Variants in NAA25 observed in about 807,000 individuals in gnomAD.
NAA25 encodes the protein N-alpha-acetyltransferase 25, NatB auxiliary subunit, also known as N-terminal acetyltransferase B complex subunit NAA25.
NAA25 carries 30 observed loss-of-function variants against 132.5 expected under a neutral mutation model. The observed-to-expected ratio is 0.23, with a 90% confidence interval of 0.17 to 0.31. The LOEUF (loss-of-function observed/expected upper bound fraction) is 0.31. Among genes scored for constraint, NAA25 ranks in the 10% least tolerant of loss-of-function variants. The pLI is 1.00. For missense variants in NAA25, 771 were observed against 1,150.4 expected (o/e 0.67, Z 4.77); for synonymous variants, 359 against 401.9 (o/e 0.89, Z 1.28).
chr12:112,043,927 A>AT, intron 17 of NAA25, 59 bp from the exon 18 acceptor site: 10 of 1,511,568 alleles, frequency 6.6e-6, no homozygotes, highest in East Asian at 2.3e-5. Context: ...CATTGCTTTC[A>AT]ATTTTTTTTT....
At chr12:112,034,909 AT>A (rs1304806851) in intron 22 of NAA25, 2 of 152,068 alleles carry the variant, frequency 1.3e-5, no homozygotes, top group Admixed American at 1.3e-4. Flanking sequence ...ATATTCAAAA[AT>A]TAGAACCAAC....
chr12:112,107,390 T>TTTTG (rs1555242018), intron 1 of NAA25, among the ~76,000 whole-genome samples: 2 of 151,978 alleles, frequency 1.3e-5, no homozygotes, highest in African/African-American at 4.8e-5. Flanking sequence ...TGTTTTTTTT[T>TTTTG]TTGTTGTTGT....
chr12:112,035,283 A>G (rs1324841071), intron 22 of NAA25: 3 of 152,222 alleles, frequency 2.0e-5, no homozygotes, highest in South Asian at 2.1e-4. Flanking sequence ...AGCTTTCATT[A>G]GAAGGAGAGC....
At chr12:112,106,793 T>C (rs537841587) in intron 1 of NAA25, among the ~76,000 whole-genome samples, 1 of 150,792 alleles carries the variant, frequency 6.6e-6, no homozygotes, top group African/African-American at 2.4e-5. Context: ...TTCTCTACAA[T>C]ATATACAAAA....
Position 112,093,141 on chromosome 12 carries a change from G to GA in NAA25, c.59-6dup, listed in dbSNP as rs748492483. ...TATTACCATTGTCAAGATAATCTAT[G>GA]AAAAAACAAATTATGTGACAGTTAT... On this transcript the variant is annotated splice_region_variant and splice_polypyrimidine_tract_variant and intron_variant, in intron 1 of 23. Coordinates refer to ENST00000261745, the MANE Select transcript of NAA25 (RefSeq NM_024953.4). 3.3e-6 allele frequency: 5 copies of GA among 1,536,928 alleles called. No homozygotes were observed. The highest frequency in any genetic ancestry group is 1.1e-5 in the South Asian group (1 of 87,874).
In NAA25 at chr12:112,080,952, C is replaced by A. The variant is rs944906856; in HGVS notation, c.477+108G>T. On this transcript the variant is annotated intron_variant, in intron 5 of 23. Coordinates refer to ENST00000261745, the MANE Select transcript of NAA25 (RefSeq NM_024953.4). ...CACTGCACTCCTGCCTGGGTGACAG[C>A]GTGACCCTGTCTCAAACAAAAAAAA... 3.3e-6 allele frequency: 3 copies of A among 907,982 alleles called. No homozygotes were observed. The South Asian group carries it at 4.1e-5, about 12-fold the overall frequency. The allele number at this position is 907,982 out of a possible 1,614,324, so 56.2% of individuals were successfully genotyped here.
At chr12:112,087,904 G>T in intron 3 of NAA25, 103 bp from the exon 4 acceptor site, 1 of 732,122 alleles carries the variant, frequency 1.4e-6, no homozygotes, top group Non-Finnish European at 2.3e-6. Flanking sequence ...TATCATTATA[G>T]AAGAAGTATC....
At chr12:112,097,990 G>A (rs560739197) in intron 1 of NAA25, among the ~76,000 whole-genome samples, 4 of 151,834 alleles carry the variant, frequency 2.6e-5, no homozygotes, top group Non-Finnish European at 4.4e-5. Flanking sequence ...GCTTGGTGGC[G>A]CACGCCTGTA....
intron 23 of NAA25, among the ~76,000 whole-genome samples, chr12:112,032,533 G>A (rs539135480): frequency 6.6e-6 from 1 of 152,100 alleles, no homozygotes; most frequent in Non-Finnish European, 1.5e-5. Context: ...CTCCCGGAGG[G>A]AAGCATTTTC....
chr12:112,108,755 C>A lies in NAA25; in HGVS notation c.19G>T (p.Val7Leu). The A allele has an allele frequency of 6.5e-7, 1 of 1,528,030 alleles. No individual in the cohort carries two copies. Among genetic ancestry groups the A allele is most frequent in the Non-Finnish European group, 8.8e-7 (1 of 1,134,744 alleles). 94.7% of individuals were successfully genotyped at this position (1,528,030 alleles called of 1,614,324 possible). A position where few individuals can be genotyped will look rare whatever the true frequency, so the allele number is the denominator to read the frequency against. MATRGHVQDPNDRRLRP... is the reference protein window; with the variant it reads MATRGHLQDPNDRRLRP... ...AGGCGCCTGTCGTTAGGGTCCTGCACATGGCCCCGCGTCGCCATGATGACA... is the reference window on the plus strand; with the variant it reads ...AGGCGCCTGTCGTTAGGGTCCTGCAAATGGCCCCGCGTCGCCATGATGACA... The change falls in exon 1 of 24, where the codon GTG (valine) becomes TTG (leucine). Residue 7 changes from valine (V) to leucine (L), a missense_variant. Transcript: ENST00000261745.
intron 11 of NAA25, 21 bp from the exon 12 acceptor site, chr12:112,061,409 G>A: frequency 6.3e-7 from 1 of 1,590,318 alleles, no homozygotes; most frequent in Non-Finnish European, 8.6e-7. Flanking sequence ...GGGAAAAAAG[G>A]AGCAAAGGTC....
intron 15 of NAA25, among the ~76,000 whole-genome samples, chr12:112,050,112 T>C (rs193287658): frequency 6.2e-4 from 94 of 150,508 alleles, no homozygotes; most frequent in East Asian, 1.9e-4. Flanking sequence ...AAAGAGAGTA[T>C]AGTCTTTAAC....
At chr12:112,097,955 C>CA (rs2079238535) in intron 1 of NAA25, among the ~76,000 whole-genome samples, 1 of 151,078 alleles carries the variant, frequency 6.6e-6, no homozygotes, top group South Asian at 2.1e-4. Context: ...CCGTCTCTAC[C>CA]AAAAAAAGTA....
In NAA25 at chr12:112,108,748, T is replaced by C. The variant is rs778181292; in HGVS notation, c.26A>G (p.Asp9Gly). Residue 9 changes from aspartate (D) to glycine (G), a missense_variant, in exon 1 of 24, where the codon GAC becomes GGC. Asp to Gly is a moderately conservative substitution (Grantham distance 94, BLOSUM62 -1). This residue lies in a region of NAA25 where 30 missense variants were observed against 16.6 expected (regional missense o/e 1.81). Transcript: ENST00000261745. ...GGGCCGGAGGCGCCTGTCGTTAGGG[T>C]CCTGCACATGGCCCCGCGTCGCCAT... The part of the protein sequence containing the change: MATRGHVQ[D>G]PNDRRLRPIY... 3.9e-6 allele frequency: 6 copies of C among 1,528,144 alleles called. No individual in the cohort carries two copies. The Admixed American group carries it at 1.0e-4, about 26-fold the overall frequency. The allele number at this position is 1,528,144 out of a possible 1,614,324, so 94.7% of individuals were successfully genotyped here. A position where few individuals can be genotyped will look rare whatever the true frequency, so the allele number is the denominator to read the frequency against.
In NAA25 at chr12:112,029,603, A is replaced by G. The variant is rs760154445; in HGVS notation, c.2847T>C (p.Tyr949=). The stretch of plus-strand genomic sequence containing the variant: ...CCCCCATTTCCAGAAGTGAGTGCAG[A>G]TAACTGCTCTGCACCTTCCCTTGCA... ...KTVQGKVQSS[Y]LHSLLEMGEL... The change falls in exon 24 of 24, where the codon TAT becomes TAC. Residue 949 remains tyrosine, a synonymous_variant. Coordinates refer to ENST00000261745, the MANE Select transcript of NAA25 (RefSeq NM_024953.4). 2 of 1,613,840 alleles carry G rather than the reference A, an allele frequency of 1.2e-6. No individual in the cohort carries two copies. Among genetic ancestry groups the G allele is most frequent in the African/African-American group, 1.3e-5 (1 of 74,882 alleles).
chr12:112,075,385 C>T (rs1208132030), intron 8 of NAA25, among the ~76,000 whole-genome samples: 4 of 152,244 alleles, frequency 2.6e-5, no homozygotes, highest in Non-Finnish European at 5.9e-5. Flanking sequence ...GACAGGGTTT[C>T]GCCATGTTGG....
At chr12:112,053,712 C>A in intron 14 of NAA25, 55 bp from the exon 15 acceptor site, 1 of 1,267,996 alleles carries the variant, frequency 7.9e-7, no homozygotes. Flanking sequence ...ACTTACCTAG[C>A]TCAAGTAACA....
At chr12:112,102,414 C>T (rs1449365007) in intron 1 of NAA25, among the ~76,000 whole-genome samples, 1 of 151,928 alleles carries the variant, frequency 6.6e-6, no homozygotes, top group Middle Eastern at 3.2e-3. Context: ...ATCTCTTCAT[C>T]TTGCCCTATG....
At chr12:112,042,997 A>G in intron 19 of NAA25, 91 bp downstream of exon 19, 1 of 1,315,842 alleles carries the variant, frequency 7.6e-7, no homozygotes, top group Non-Finnish European at 1.0e-6. Flanking sequence ...CATGTACTCT[A>G]AAATTTTCCA....
Sources: allele counts gnomAD v4.1 joint callset (sites outside exome capture counted in the v4.1 genomes callset), GRCh38; gene constraint gnomAD v4.1.1; regional missense constraint gnomAD v4.1.1; transcripts MANE v1.5; gene names NCBI Gene and HGNC (gene_info 2026-07-23, HGNC 2026-07-21).